ADAMTS6: variants seen among roughly 807,000 people sequenced by gnomAD.
The protein encoded by ADAMTS6 is ADAM metallopeptidase with thrombospondin type 1 motif 6.
Under a neutral mutation model 144.3 loss-of-function variants are expected in ADAMTS6, and 23 were observed. The ratio of observed to expected loss-of-function variants is 0.16; its 90% CI spans 0.11 to 0.23. The LOEUF (loss-of-function observed/expected upper bound fraction) is 0.23. ADAMTS6 is among the 10% of genes least tolerant of loss of function. ADAMTS6 has a pLI of 1.00. For synonymous variants in ADAMTS6, 444 were observed against 457.5 expected, an observed-to-expected ratio of 0.97 and a Z score of 0.38; for missense variants, 999 against 1,379.6, an observed-to-expected ratio of 0.72 and a Z score of 4.37.
intron 7 of ADAMTS6, among the ~76,000 whole-genome samples, chr5:65,354,451 T>C (rs1749140432): frequency 6.6e-6 from 1 of 151,858 alleles, no homozygotes; most frequent in Non-Finnish European, 1.5e-5. Context: ...AGATAATGTA[T>C]ATAAGCTGTG....
At chr5:65,390,782 T>C (rs529750633) in intron 7 of ADAMTS6, among the ~76,000 whole-genome samples, 1 of 152,322 alleles carries the variant, frequency 6.6e-6, no homozygotes, top group Non-Finnish European at 1.5e-5. Context: ...AGAGAAAGAA[T>C]TATAGACACC....
In ADAMTS6 at chr5:65,472,910, A is replaced by G. The variant is rs539840719; in HGVS notation, c.97+667T>C. On this transcript the variant is annotated intron_variant, in intron 2 of 24. Coordinates refer to ENST00000381055, the MANE Select transcript of ADAMTS6 (RefSeq NM_197941.4). ...GTTCATCGGCACCAAAAAATTATCT[A>G]TTACTATGTATTCATGGGAGGGAAA... 2.0e-5 allele frequency among the ~76,000 whole-genome samples: 3 copies of G among 152,266 alleles called. No homozygotes were observed. The South Asian group carries it at 6.2e-4, about 32-fold the overall frequency.
Position 65,180,184 on chromosome 5 carries a change from G to A in ADAMTS6, c.2911-7176C>T, listed in dbSNP as rs78737524. Among the ~76,000 whole-genome samples the A allele has an allele frequency of 5.5e-3, 838 of 152,238 alleles. 7 individuals are homozygous for A. The highest frequency in any genetic ancestry group is 0.019 in the African/African-American group (786 of 41,546). Reference sequence around the variant, plus strand: ...ATCTTTGAGCCTGGAGTATGTCATAGAAAGACAGAAAAATATTAACAAATT... The same window carrying A: ...ATCTTTGAGCCTGGAGTATGTCATAAAAAGACAGAAAAATATTAACAAATT... On this transcript the variant is annotated intron_variant, in intron 22 of 24. Coordinates refer to ENST00000381055, the MANE Select transcript of ADAMTS6 (RefSeq NM_197941.4).
chr5:65,180,505 G>A (rs569677627), intron 22 of ADAMTS6, among the ~76,000 whole-genome samples: 3 of 151,970 alleles, frequency 2.0e-5, no homozygotes, highest in Non-Finnish European at 4.4e-5. Flanking sequence ...TCCAAAATCT[G>A]TCTCACACCT....
At chr5:65,403,585 AT>A (rs1407232661) in intron 7 of ADAMTS6, among the ~76,000 whole-genome samples, 1 of 152,094 alleles carries the variant, frequency 6.6e-6, no homozygotes, top group African/African-American at 2.4e-5. Context: ...TCTTTCTCTC[AT>A]ACTCTTATAC....
At chr5:65,170,145 G>A (rs987123435) in intron 24 of ADAMTS6, among the ~76,000 whole-genome samples, 3 of 152,112 alleles carry the variant, frequency 2.0e-5, no homozygotes, top group Non-Finnish European at 2.9e-5. Context: ...ACTTTTCTAC[G>A]ATAAGAAAAT....
chr5:65,321,370 G>A (rs1745597458), intron 9 of ADAMTS6, among the ~76,000 whole-genome samples: 1 of 151,618 alleles, frequency 6.6e-6, no homozygotes, highest in Non-Finnish European at 1.5e-5. Flanking sequence ...CATGTCCTTT[G>A]CCCAATTTTT....
At chr5:65,263,229 A>G (rs897042983) in intron 12 of ADAMTS6, among the ~76,000 whole-genome samples, 2 of 152,112 alleles carry the variant, frequency 1.3e-5, no homozygotes, top group African/African-American at 2.4e-5. Flanking sequence ...CCTTGTTTCT[A>G]TTCCTCTTGA....
At position 65,242,090 on chromosome 5, in the gene ADAMTS6, A is replaced by C; in HGVS notation, c.1933+14T>G. 6.5e-7 allele frequency: 1 copy of C among 1,531,352 alleles called. No homozygotes were observed. Among genetic ancestry groups the C allele is most frequent in the East Asian group, 2.3e-5 (1 of 43,638 alleles). 94.9% of individuals were successfully genotyped at this position (1,531,352 alleles called of 1,614,324 possible). A position where few individuals can be genotyped will look rare whatever the true frequency, so the allele number is the denominator to read the frequency against. On this transcript the variant is annotated intron_variant, in intron 15 of 24. Coordinates refer to ENST00000381055, the MANE Select transcript of ADAMTS6 (RefSeq NM_197941.4). Reference sequence around the variant, plus strand: ...AGTGCTCAAGCATGAATGCTCTGTCAGGTTATACATTACCTCCAGTATAGG... The same window carrying C: ...AGTGCTCAAGCATGAATGCTCTGTCCGGTTATACATTACCTCCAGTATAGG...
intron 22 of ADAMTS6, among the ~76,000 whole-genome samples, chr5:65,173,907 C>T (rs1410913949): frequency 6.6e-6 from 1 of 151,882 alleles, no homozygotes; most frequent in Non-Finnish European, 1.5e-5. Context: ...TCTGTAGCCC[C>T]AGCTACTTGG....
intron 9 of ADAMTS6, among the ~76,000 whole-genome samples, chr5:65,324,690 A>G (rs1174165916): frequency 6.6e-6 from 1 of 152,102 alleles, no homozygotes; most frequent in Non-Finnish European, 1.5e-5. Context: ...GTTCAATAAG[A>G]AAAGAACAAC....
At chr5:65,368,064 G>T (rs935328347) in intron 7 of ADAMTS6, among the ~76,000 whole-genome samples, 2 of 151,986 alleles carry the variant, frequency 1.3e-5, no homozygotes, top group Admixed American at 1.3e-4. Context: ...AAGATTTACA[G>T]GGCTATATTT....
At chr5:65,251,270 C>G (rs1305833021) in intron 14 of ADAMTS6, 2 of 152,202 alleles carry the variant, frequency 1.3e-5, no homozygotes, top group Non-Finnish European at 2.9e-5. Context: ...CTGTCAGGAC[C>G]TAATCAACCA....
intron 24 of ADAMTS6, among the ~76,000 whole-genome samples, chr5:65,163,379 A>C (rs1210863713): frequency 6.6e-6 from 1 of 152,230 alleles, no homozygotes; most frequent in African/African-American, 2.4e-5. Context: ...GCAAAATTTA[A>C]AGTTGTGATT....
At chr5:65,478,218 T>C (rs1760970533) in intron 1 of ADAMTS6, among the ~76,000 whole-genome samples, 1 of 152,040 alleles carries the variant, frequency 6.6e-6, no homozygotes, top group East Asian at 1.9e-4. Context: ...ACAATAAAAG[T>C]GAATGAGTTA....
chr5:65,431,575 A>G (rs1757001649), intron 7 of ADAMTS6, among the ~76,000 whole-genome samples: 2 of 152,208 alleles, frequency 1.3e-5, no homozygotes. Context: ...AAAACAAGGT[A>G]ACAGAGGAAA....
At chr5:65,258,354 A>G (rs1260688452) in intron 14 of ADAMTS6, among the ~76,000 whole-genome samples, 1 of 152,180 alleles carries the variant, frequency 6.6e-6, no homozygotes, top group Non-Finnish European at 1.5e-5. Flanking sequence ...ATGTTTAAGG[A>G]AGGGGACCTA....
intron 10 of ADAMTS6, among the ~76,000 whole-genome samples, chr5:65,298,318 A>C (rs1205057089): frequency 6.6e-6 from 1 of 152,072 alleles, no homozygotes; most frequent in Non-Finnish European, 1.5e-5. Context: ...AAACAAAAAA[A>C]CAAACAAACA....
chr5:65,447,035 C>G (rs555988259), intron 7 of ADAMTS6, among the ~76,000 whole-genome samples: 2 of 152,022 alleles, frequency 1.3e-5, no homozygotes, highest in East Asian at 3.8e-4. Flanking sequence ...TAAACTGTTA[C>G]GTATTATTAT....
Sources: allele counts gnomAD v4.1 joint callset (sites outside exome capture counted in the v4.1 genomes callset), GRCh38; gene constraint gnomAD v4.1.1; transcripts MANE v1.5; gene names NCBI Gene and HGNC (gene_info 2026-07-23, HGNC 2026-07-21).